Variants in RAB11FIP4 observed in about 807,000 individuals in gnomAD.
The protein encoded by RAB11FIP4 is rab11 family-interacting protein 4.
Under a neutral mutation model 74.3 loss-of-function variants are expected in RAB11FIP4, and 23 were observed. The observed-to-expected ratio is 0.31, with a 90% CI of 0.22 to 0.44. The LOEUF (loss-of-function observed/expected upper bound fraction) is 0.44, where lower values mean the gene tolerates loss of function less well. RAB11FIP4 is among the 20% of genes least tolerant of loss of function. RAB11FIP4 has a pLI of 1.00. For missense variants in RAB11FIP4, 630 were observed against 863.9 expected (o/e 0.73, Z 3.39); for synonymous variants, 360 against 359.9 (o/e 1.00, Z 0.00).
chr17:31,405,060 G>C (rs1397262364), intron 1 of RAB11FIP4, among the ~76,000 whole-genome samples: 2 of 152,206 alleles, frequency 1.3e-5, no homozygotes, highest in African/African-American at 4.8e-5. Flanking sequence ...TTAAGCAGAG[G>C]GCCACACAGC....
At chr17:31,489,135 T>TA (rs1481828030) in intron 3 of RAB11FIP4, among the ~76,000 whole-genome samples, 1 of 152,234 alleles carries the variant, frequency 6.6e-6, no homozygotes, top group African/African-American at 2.4e-5. Flanking sequence ...GTCCTGTCTC[T>TA]GCACTTAGCC....
Position 31,532,266 on chromosome 17 carries a change from C to A in RAB11FIP4, c.*534C>A. The A allele has an allele frequency of 6.4e-6, 1 of 156,138 alleles. No individual in the cohort carries two copies. Among genetic ancestry groups the A allele is most frequent in the Admixed American group, 6.1e-5 (1 of 16,296 alleles). The allele number at this position is 156,138 out of a possible 1,614,324, so 9.7% of individuals were successfully genotyped here. On this transcript the variant is annotated 3_prime_UTR_variant, in exon 15 of 15. Transcript: ENST00000621161. Reference sequence around the variant, plus strand: ...TTCAAGCTCAGAGAGGATGAAGGGGCATCTGGAGGGTCCATGAGATGGGGC... The same window carrying A: ...TTCAAGCTCAGAGAGGATGAAGGGGAATCTGGAGGGTCCATGAGATGGGGC...
chr17:31,432,791 T>A (rs1031194836), intron 2 of RAB11FIP4, among the ~76,000 whole-genome samples: 3 of 152,178 alleles, frequency 2.0e-5, no homozygotes, highest in Non-Finnish European at 2.9e-5. Context: ...CTTGCAGGAA[T>A]CAGAATATGG....
intron 3 of RAB11FIP4, among the ~76,000 whole-genome samples, chr17:31,437,981 G>A (rs562539228): frequency 2.0e-5 from 3 of 152,284 alleles, no homozygotes; most frequent in African/African-American, 7.2e-5. Flanking sequence ...GAAACTTTGA[G>A]GCTTGGGAAC....
chr17:31,507,815 G>GTTTTATTTTA (rs558600079), intron 3 of RAB11FIP4, among the ~76,000 whole-genome samples: 1 of 151,874 alleles, frequency 6.6e-6, no homozygotes, highest in African/African-American at 2.4e-5. Context: ...AATATGTTTT[G>GTTTTATTTTA]TTTTATTTTA....
rs189676282 is a variant in RAB11FIP4, at chr17:31,422,279, A to G, written c.160-9534A>G. ...CCATGTTTACATGAAGAGAACGTGT[A>G]TTCTGCTATTCTTGGGTGGTGTGTT... On this transcript the variant is annotated intron_variant, in intron 1 of 14. Coordinates refer to ENST00000621161, the MANE Select transcript of RAB11FIP4 (RefSeq NM_032932.6). 5.9e-5 allele frequency among the ~76,000 whole-genome samples: 9 copies of G among 152,328 alleles called. No homozygotes were observed. In the East Asian group the frequency reaches 1.7e-3, roughly 29 times the overall value.
intron 3 of RAB11FIP4, among the ~76,000 whole-genome samples, chr17:31,480,703 G>A (rs372826365): frequency 6.7e-5 from 10 of 148,402 alleles, no homozygotes; most frequent in African/African-American, 1.5e-4. Context: ...CACGAGTATC[G>A]CTTGAACCCA....
chr17:31,410,627 CG>C (rs1433701533), intron 1 of RAB11FIP4, among the ~76,000 whole-genome samples: 5 of 151,704 alleles, frequency 3.3e-5, no homozygotes, highest in Admixed American at 1.3e-4. Context: ...CTGAAGGGGG[CG>C]GGGGCATGGT....
intron 1 of RAB11FIP4, among the ~76,000 whole-genome samples, chr17:31,406,026 C>T (rs1196433677): frequency 6.6e-6 from 1 of 152,182 alleles, no homozygotes; most frequent in Non-Finnish European, 1.5e-5. Flanking sequence ...CAGCCCAGCT[C>T]ACTGAGCCCA....
At chr17:31,402,722 C>A (rs7503915) in intron 1 of RAB11FIP4, among the ~76,000 whole-genome samples, 1 of 151,648 alleles carries the variant, frequency 6.6e-6, no homozygotes, top group African/African-American at 2.4e-5. Flanking sequence ...CCCAGGTTCA[C>A]GCCATTCTCC....
rs569575221 is a variant in RAB11FIP4, at chr17:31,463,684, T to C, written c.336+29562T>C. Among the ~76,000 whole-genome samples the C allele has an allele frequency of 8.5e-5, 13 of 152,086 alleles. No individual in the cohort carries two copies. In the East Asian group the frequency reaches 2.5e-3, roughly 29 times the overall value. Reference sequence around the variant, plus strand: ...ACACCTGGCTAATTTTTTGTATTTTTAGTAGAGACGGGGTTTCACCATGTT... The same window carrying C: ...ACACCTGGCTAATTTTTTGTATTTTCAGTAGAGACGGGGTTTCACCATGTT... On this transcript the variant is annotated intron_variant, in intron 3 of 14. Transcript: ENST00000621161.
intron 1 of RAB11FIP4, among the ~76,000 whole-genome samples, chr17:31,411,661 G>A (rs2071097517): frequency 6.6e-6 from 1 of 152,198 alleles, no homozygotes; most frequent in South Asian, 2.1e-4. Flanking sequence ...CTCAATCATG[G>A]ATGAGGCCTC....
At chr17:31,500,830 C>G (rs1270689677) in intron 3 of RAB11FIP4, among the ~76,000 whole-genome samples, 2 of 152,126 alleles carry the variant, frequency 1.3e-5, no homozygotes, top group Non-Finnish European at 2.9e-5. Flanking sequence ...CGAGACCATC[C>G]TGGCCAACAT....
At chr17:31,456,072 C>T (rs141352370) in intron 3 of RAB11FIP4, among the ~76,000 whole-genome samples, 5 of 152,298 alleles carry the variant, frequency 3.3e-5, no homozygotes, top group Non-Finnish European at 7.4e-5. Flanking sequence ...TGTCAGAAAG[C>T]GCTGTTTGCT....
At chr17:31,416,264 C>T (rs2071147275) in intron 1 of RAB11FIP4, among the ~76,000 whole-genome samples, 1 of 152,226 alleles carries the variant, frequency 6.6e-6, no homozygotes, top group Admixed American at 6.5e-5. Flanking sequence ...CACATACCCC[C>T]TCTACCAGTG....
chr17:31,510,167 C>T (rs2072425571), intron 3 of RAB11FIP4, among the ~76,000 whole-genome samples: 1 of 152,224 alleles, frequency 6.6e-6, no homozygotes. Context: ...GACCTGGGGA[C>T]ATTGGCACCT....
intron 3 of RAB11FIP4, among the ~76,000 whole-genome samples, chr17:31,489,735 G>A (rs761216185): frequency 5.3e-5 from 8 of 152,160 alleles, no homozygotes; most frequent in African/African-American, 9.7e-5. Context: ...ACAGGGGAGA[G>A]TGTCGCCTGG....
intron 3 of RAB11FIP4, among the ~76,000 whole-genome samples, chr17:31,475,543 A>G (rs2071783061): frequency 6.6e-6 from 1 of 152,206 alleles, no homozygotes; most frequent in African/African-American, 2.4e-5. Flanking sequence ...GTTGGTCCTT[A>G]TTACTTGCAC....
chr17:31,500,582 G>A (rs1212300268), intron 3 of RAB11FIP4, among the ~76,000 whole-genome samples: 2 of 152,218 alleles, frequency 1.3e-5, no homozygotes, highest in African/African-American at 4.8e-5. Flanking sequence ...CGCTGTGTAG[G>A]TAAAATACCT....
Sources: gnomAD v4.1 joint callset for allele counts (sites outside exome capture counted in the v4.1 genomes callset) on GRCh38, gnomAD v4.1.1 for gene constraint, MANE v1.5 for transcripts, NCBI Gene and HGNC (gene_info 2026-07-23, HGNC 2026-07-21) for gene names.